PLCL1: variants seen among roughly 807,000 people sequenced by gnomAD.
PLCL1 encodes inactive phospholipase C-like protein 1.
PLCL1 carries 41 observed loss-of-function variants against 84.4 expected under a neutral mutation model. The ratio of observed to expected loss-of-function variants is 0.49; its 90% CI spans 0.38 to 0.63. The LOEUF is 0.63. PLCL1 is among the 30% of genes least tolerant of loss of function. The pLI is 0.00. For missense variants in PLCL1, 1,206 were observed against 1,367.8 expected (o/e 0.88, Z 1.87); for synonymous variants, 490 against 488.3 (o/e 1.00, Z -0.05).
chr2:197,983,214 T>TTTTTTTTTTTTTTTTTTTTTTTTTTC (rs1690153840), intron 1 of PLCL1, among the ~76,000 whole-genome samples: 1 of 15,928 alleles, frequency 6.3e-5, no homozygotes. Context: ...TTTTTTTTTT[T>TTTTTTTTTTTTTTTTTTTTTTTTTTC]TTTTTTTTTT....
At chr2:198,062,719 G>T (rs532759861) in intron 1 of PLCL1, among the ~76,000 whole-genome samples, 1 of 152,052 alleles carries the variant, frequency 6.6e-6, no homozygotes, top group South Asian at 2.1e-4. Flanking sequence ...ACTTGGGGGT[G>T]AGCCTAGGGT....
chr2:197,887,243 G>A (rs1574932063), intron 1 of PLCL1, among the ~76,000 whole-genome samples: 1 of 152,184 alleles, frequency 6.6e-6, no homozygotes, highest in Admixed American at 6.5e-5. Context: ...AAAGCATACT[G>A]TTTTACATTG....
intron 4 of PLCL1, among the ~76,000 whole-genome samples, chr2:198,103,081 C>A (rs11883868): frequency 0.048 from 7,233 of 152,008 alleles, 588 homozygotes; most frequent in African/African-American, 0.16. Context: ...TTACTGATTA[C>A]TCATTGTTAT....
At chr2:197,921,999 C>CTTTTTTTTTTTTTTTTTTTTTTT (rs34033380) in intron 1 of PLCL1, among the ~76,000 whole-genome samples, 1 of 121,686 alleles carries the variant, frequency 8.2e-6, no homozygotes, top group Non-Finnish European at 1.7e-5. Flanking sequence ...TTGATAAATT[C>CTTTTTTTTTTTTTTTTTTTTTTT]TTTTTTTTTT....
At chr2:198,036,967 T>G (rs1020586579) in intron 1 of PLCL1, among the ~76,000 whole-genome samples, 1 of 152,172 alleles carries the variant, frequency 6.6e-6, no homozygotes, top group African/African-American at 2.4e-5. Context: ...ATGCCAAATC[T>G]TCTTAAATCA....
intron 3 of PLCL1, among the ~76,000 whole-genome samples, chr2:198,096,328 C>A (rs1693191860): frequency 6.6e-6 from 1 of 152,284 alleles, no homozygotes; most frequent in African/African-American, 2.4e-5. Context: ...TGGTACTCAG[C>A]AGAATTTTAT....
intron 1 of PLCL1, among the ~76,000 whole-genome samples, chr2:198,072,767 T>C (rs918019584): frequency 6.6e-6 from 1 of 152,118 alleles, no homozygotes; most frequent in African/African-American, 2.4e-5. Flanking sequence ...ATTTACTTAT[T>C]GAATTACATT....
intron 1 of PLCL1, among the ~76,000 whole-genome samples, chr2:197,966,148 A>G (rs1559058675): frequency 6.6e-6 from 1 of 151,804 alleles, no homozygotes; most frequent in East Asian, 1.9e-4. Context: ...TTCAAGTTGC[A>G]AGACAAAGTT....
intron 1 of PLCL1, among the ~76,000 whole-genome samples, chr2:198,034,908 C>A (rs770460356): frequency 6.6e-6 from 1 of 152,098 alleles, no homozygotes; most frequent in Non-Finnish European, 1.5e-5. Flanking sequence ...TTGGGTTAAT[C>A]TGATGTTGTT....
intron 5 of PLCL1, among the ~76,000 whole-genome samples, chr2:198,144,661 C>A (rs16827923): frequency 0.024 from 3,639 of 152,190 alleles, 136 homozygotes; most frequent in African/African-American, 0.083. Context: ...GAAAATGGCC[C>A]AGATAAAAAT....
chr2:198,138,221 G>A (rs1694303607), intron 5 of PLCL1, among the ~76,000 whole-genome samples: 1 of 152,092 alleles, frequency 6.6e-6, no homozygotes, highest in Non-Finnish European at 1.5e-5. Context: ...TGTACAGGAG[G>A]CATGGCTGGG....
chr2:198,040,764 G>A (rs1054440695), intron 1 of PLCL1, among the ~76,000 whole-genome samples: 32 of 152,154 alleles, frequency 2.1e-4, no homozygotes, highest in Non-Finnish European at 3.7e-4. Context: ...TTTTAGGTTG[G>A]CTAAGAAGAA....
intron 1 of PLCL1, among the ~76,000 whole-genome samples, chr2:197,826,805 A>G (rs1235947510): frequency 2.0e-5 from 3 of 152,172 alleles, no homozygotes; most frequent in Non-Finnish European, 1.5e-5. Context: ...GTGCTTAAAA[A>G]TGTTTATTGA....
intron 1 of PLCL1, among the ~76,000 whole-genome samples, chr2:197,976,936 C>T (rs1378061842): frequency 1.3e-5 from 2 of 152,190 alleles, no homozygotes; most frequent in Admixed American, 6.5e-5. Flanking sequence ...CTTCTTGCCT[C>T]ATCCATTGCC....
At chr2:198,077,659 C>T (rs1296831657) in intron 1 of PLCL1, among the ~76,000 whole-genome samples, 2 of 152,124 alleles carry the variant, frequency 1.3e-5, no homozygotes, top group Non-Finnish European at 2.9e-5. Context: ...GGTATAACTT[C>T]CAACACTGAA....
intron 5 of PLCL1, among the ~76,000 whole-genome samples, chr2:198,106,254 T>C (rs1693471533): frequency 6.6e-6 from 1 of 151,968 alleles, no homozygotes; most frequent in Non-Finnish European, 1.5e-5. Flanking sequence ...GCAGAGATGC[T>C]GCACATGTTT....
At chr2:198,000,221 C>T (rs961612856) in intron 1 of PLCL1, among the ~76,000 whole-genome samples, 2 of 152,146 alleles carry the variant, frequency 1.3e-5, no homozygotes, top group Non-Finnish European at 2.9e-5. Context: ...CGATACTTTG[C>T]ACCCCATGGA....
chr2:198,030,250 G>C (rs141697714), intron 1 of PLCL1, among the ~76,000 whole-genome samples: 197 of 151,974 alleles, frequency 1.3e-3, no homozygotes, highest in African/African-American at 4.3e-3. Flanking sequence ...CCACTTATAA[G>C]TGAGAACATA....
At chr2:198,035,785 A>G (rs929661997) in intron 1 of PLCL1, among the ~76,000 whole-genome samples, 1 of 152,258 alleles carries the variant, frequency 6.6e-6, no homozygotes, top group African/African-American at 2.4e-5. Flanking sequence ...CTGTAATCCC[A>G]GCACTTTGGG....
Sources: gnomAD v4.1 joint callset for allele counts (sites outside exome capture counted in the v4.1 genomes callset) on GRCh38, gnomAD v4.1.1 for gene constraint, MANE v1.5 for transcripts, NCBI Gene and HGNC (gene_info 2026-07-23, HGNC 2026-07-21) for gene names.